The following TTC28 variants were observed in gnomAD, a reference collection of about 807,000 sequenced individuals.
TTC28 encodes tetratricopeptide repeat domain 28.
A neutral mutation model predicts 198.0 loss-of-function variants in TTC28; 61 were observed. The ratio of observed to expected loss-of-function variants is 0.31; its 90% confidence interval spans 0.25 to 0.38. The LOEUF is 0.38. TTC28 is among the 10% of genes least tolerant of loss of function. TTC28 has a pLI of 1.00. For missense variants in TTC28, 2,678 were observed against 3,164.0 expected (o/e 0.85, Z 3.69); for synonymous variants, 1,171 against 1,297.8 (o/e 0.90, Z 2.10).
Position 28,401,720 on chromosome 22 carries a change from G to A in TTC28, c.382-95077C>T, listed in dbSNP as rs557982797. Reference sequence around the variant, plus strand: ...ACAAGATGATTGCTTCAGGCCAGAGGATTCCTTCAAGCCAGACCAGCCTAG... The same window carrying A: ...ACAAGATGATTGCTTCAGGCCAGAGAATTCCTTCAAGCCAGACCAGCCTAG... On this transcript the variant is annotated intron_variant, in intron 2 of 22. Transcript: ENST00000397906. Among the ~76,000 whole-genome samples the A allele has an allele frequency of 6.6e-5, 10 of 152,216 alleles. No individual in the cohort carries two copies. The South Asian group carries it at 2.1e-3, about 32-fold the overall frequency.
chr22:28,067,270 T>A (rs1940791460), intron 12 of TTC28, among the ~76,000 whole-genome samples: 1 of 152,138 alleles, frequency 6.6e-6, no homozygotes. Flanking sequence ...CCTATTAAAG[T>A]GAGAACTTCT....
chr22:28,020,524 A>AG (rs1373433312), intron 13 of TTC28, among the ~76,000 whole-genome samples: 8 of 152,166 alleles, frequency 5.3e-5, no homozygotes, highest in Admixed American at 5.2e-4. Flanking sequence ...GACAAATGCC[A>AG]GCTGGGCTGG....
At chr22:28,548,020 T>C (rs2145951755) in intron 2 of TTC28, among the ~76,000 whole-genome samples, 1 of 152,220 alleles carries the variant, frequency 6.6e-6, no homozygotes, top group South Asian at 2.1e-4. Flanking sequence ...GGAACTCTCT[T>C]ATGTCACATA....
chr22:28,461,397 C>T, intron 2 of TTC28, among the ~76,000 whole-genome samples: 1 of 152,120 alleles, frequency 6.6e-6, no homozygotes, highest in Non-Finnish European at 1.5e-5. Context: ...CAACGTAACA[C>T]CCTACCACAT....
At chr22:28,163,029 C>T in intron 6 of TTC28, 63 bp downstream of exon 6, 4 of 1,459,338 alleles carry the variant, frequency 2.7e-6, no homozygotes, top group South Asian at 2.8e-5. Context: ...AGATAGTGAT[C>T]TACTCCAGCT....
At chr22:28,048,658 A>G (rs886713854) in intron 12 of TTC28, among the ~76,000 whole-genome samples, 5 of 152,090 alleles carry the variant, frequency 3.3e-5, no homozygotes, top group African/African-American at 9.7e-5. Flanking sequence ...CACCTAGAGG[A>G]CAGTGCAGAG....
intron 12 of TTC28, among the ~76,000 whole-genome samples, chr22:28,037,366 C>T (rs1432692588): frequency 2.6e-5 from 4 of 152,090 alleles, no homozygotes; most frequent in Non-Finnish European, 4.4e-5. Flanking sequence ...GTTCAACATA[C>T]GAAAATCAAT....
chr22:28,093,635 C>T (rs1434087735), intron 12 of TTC28, among the ~76,000 whole-genome samples: 6 of 152,198 alleles, frequency 3.9e-5, no homozygotes, highest in Non-Finnish European at 5.9e-5. Context: ...GCTCCTTTCA[C>T]CTCACCCCTC....
intron 2 of TTC28, among the ~76,000 whole-genome samples, chr22:28,409,663 CTT>C (rs752670702): frequency 7.1e-5 from 10 of 139,980 alleles, no homozygotes; most frequent in Non-Finnish European, 9.4e-5. Context: ...TTTTCTTTTT[CTT>C]TTTTTTTTTT....
chr22:28,335,146 C>A (rs897255714), intron 2 of TTC28, among the ~76,000 whole-genome samples: 1 of 151,918 alleles, frequency 6.6e-6, no homozygotes, highest in Non-Finnish European at 1.5e-5. Flanking sequence ...GTCAGGTTTG[C>A]CAAAGATGAG....
chr22:28,016,825 C>T (rs1390962098), intron 13 of TTC28, among the ~76,000 whole-genome samples: 1 of 152,238 alleles, frequency 6.6e-6, no homozygotes. Flanking sequence ...TGGCTACTTA[C>T]TCCAACAAAT....
intron 12 of TTC28, among the ~76,000 whole-genome samples, chr22:28,084,142 C>T (rs1349121343): frequency 1.3e-5 from 2 of 152,220 alleles, no homozygotes; most frequent in Non-Finnish European, 2.9e-5. Flanking sequence ...ATGTCCCGGT[C>T]TGACAGCTCT....
At chr22:28,531,427 C>A (rs190848898) in intron 2 of TTC28, among the ~76,000 whole-genome samples, 19 of 152,260 alleles carry the variant, frequency 1.2e-4, no homozygotes, top group African/African-American at 4.6e-4. Context: ...TAGAGACCTA[C>A]AAAGAGACTT....
intron 5 of TTC28, among the ~76,000 whole-genome samples, chr22:28,231,745 T>C (rs1928822498): frequency 6.6e-6 from 1 of 152,210 alleles, no homozygotes; most frequent in Admixed American, 6.5e-5. Flanking sequence ...CAGTTGTTGT[T>C]CCAAAGAATC....
intron 2 of TTC28, among the ~76,000 whole-genome samples, chr22:28,401,126 G>A (rs1002691712): frequency 6.6e-6 from 1 of 151,590 alleles, no homozygotes; most frequent in Non-Finnish European, 1.5e-5. Flanking sequence ...GTCTAAAAAG[G>A]AGAAGTCTAA....
chr22:28,163,148 C>A lies in TTC28; in HGVS notation c.1385G>T (p.Gly462Val), dbSNP rs768358988. The A allele has an allele frequency of 6.4e-7, 1 of 1,551,694 alleles. No homozygotes were observed. The highest frequency in any genetic ancestry group is 1.2e-5 in the South Asian group (1 of 84,040). Residue 462 changes from glycine (G) to valine (V), a missense_variant, in exon 6 of 23, where the codon GGC becomes GTC. By Grantham distance (109) the Gly-to-Val change is moderately radical. Coordinates refer to ENST00000397906, the MANE Select transcript of TTC28 (RefSeq NM_001145418.2). ...CCGGTCCTTGAGATCCTCAGCAATGCCCAGCTGCTGCTCATGGTATTGTTT... is the reference window on the plus strand; with the variant it reads ...CCGGTCCTTGAGATCCTCAGCAATGACCAGCTGCTGCTCATGGTATTGTTT... ...RAKQYHEQQL[G>V]IAEDLKDRAA...
chr22:28,274,653 G>C (rs1271434009), intron 5 of TTC28, among the ~76,000 whole-genome samples: 1 of 152,184 alleles, frequency 6.6e-6, no homozygotes, highest in Non-Finnish European at 1.5e-5. Context: ...CAAAAAAGAA[G>C]TATGGATTGC....
At chr22:28,541,233 G>A (rs981157977) in intron 2 of TTC28, among the ~76,000 whole-genome samples, 15 of 152,138 alleles carry the variant, frequency 9.9e-5, no homozygotes, top group East Asian at 3.9e-4. Flanking sequence ...CAGCACAAAC[G>A]TGTGATGCCT....
chr22:28,169,571 C>CA (rs929674705), intron 5 of TTC28, among the ~76,000 whole-genome samples: 8 of 152,116 alleles, frequency 5.3e-5, no homozygotes, highest in Admixed American at 2.6e-4. Context: ...ATCGCAAGGA[C>CA]AAAAAACCAA....
Sources: gnomAD v4.1 joint callset for allele counts (sites outside exome capture counted in the v4.1 genomes callset) on GRCh38, gnomAD v4.1.1 for gene constraint, MANE v1.5 for transcripts, NCBI Gene and HGNC (gene_info 2026-07-23, HGNC 2026-07-21) for gene names.